ASIC2: variants seen among roughly 807,000 people sequenced by gnomAD.
The protein encoded by ASIC2 is acid sensing ion channel subunit 2, also known as acid-sensing ion channel 2.
A neutral mutation model predicts 57.3 loss-of-function variants in ASIC2; 25 were observed. The observed-to-expected ratio is 0.44, with a 90% CI of 0.32 to 0.61. The LOEUF (loss-of-function observed/expected upper bound fraction) is 0.61. Ranked by LOEUF, ASIC2 falls within the 20% of genes least tolerant of loss-of-function variation. The pLI is 0.06. For synonymous variants in ASIC2, 319 were observed against 307.5 expected (o/e 1.04, Z -0.39); for missense variants, 641 against 738.1 (o/e 0.87, Z 1.52).
chr17:34,007,874 T>G (rs1390483140), intron 1 of ASIC2, among the ~76,000 whole-genome samples: 2 of 152,332 alleles, frequency 1.3e-5, no homozygotes, highest in East Asian at 1.9e-4. Flanking sequence ...CTAGGTAAGA[T>G]GCACTAAATA....
chr17:33,859,961 G>A (rs1357023298), intron 1 of ASIC2, among the ~76,000 whole-genome samples: 1 of 152,164 alleles, frequency 6.6e-6, no homozygotes, highest in East Asian at 1.9e-4. Context: ...TGGGATTACA[G>A]GCATGAGACA....
At chr17:33,452,990 T>G (rs2141991215) in intron 1 of ASIC2, among the ~76,000 whole-genome samples, 1 of 152,276 alleles carries the variant, frequency 6.6e-6, no homozygotes, top group African/African-American at 2.4e-5. Flanking sequence ...TTAGTGTTTT[T>G]CCGCACAGGC....
intron 1 of ASIC2, among the ~76,000 whole-genome samples, chr17:33,610,054 G>GCGCGCACACACA (rs375575593): frequency 0.011 from 1,640 of 144,828 alleles, 24 homozygotes; most frequent in African/African-American, 0.04. Context: ...GGACAGAGGC[G>GCGCGCACACACA]CACACACACA....
intron 1 of ASIC2, among the ~76,000 whole-genome samples, chr17:33,533,196 A>G (rs1915110376): frequency 6.6e-6 from 1 of 152,080 alleles, no homozygotes; most frequent in Non-Finnish European, 1.5e-5. Context: ...AAATACAAAA[A>G]TTAGCCTGGT....
At chr17:33,533,303 T>TAAAGAAAGAAAGAGCGAAAG (rs1460330343) in intron 1 of ASIC2, 1 of 142,504 alleles carries the variant, frequency 7.0e-6, no homozygotes, top group Non-Finnish European at 1.5e-5. Flanking sequence ...CCAAAAAGAG[T>TAAAGAAAGAAAGAGCGAAAG]AAAGAAAGAA....
chr17:33,084,501 C>T (rs184334525), intron 3 of ASIC2, among the ~76,000 whole-genome samples: 17 of 152,334 alleles, frequency 1.1e-4, no homozygotes, highest in East Asian at 3.9e-4. Context: ...CTGGTAGATT[C>T]GGGCTTGAAG....
intron 3 of ASIC2, among the ~76,000 whole-genome samples, chr17:33,076,797 G>A (rs1360095353): frequency 6.6e-6 from 1 of 152,162 alleles, no homozygotes; most frequent in African/African-American, 2.4e-5. Flanking sequence ...AAATGCATAG[G>A]CATCTTCCCT....
intron 1 of ASIC2, among the ~76,000 whole-genome samples, chr17:33,315,259 G>T (rs1906598654): frequency 6.6e-6 from 1 of 152,184 alleles, no homozygotes; most frequent in Non-Finnish European, 1.5e-5. Context: ...ATGTGCAGAA[G>T]AATAATGTTG....
At chr17:33,913,157 C>T (rs183219085) in intron 1 of ASIC2, among the ~76,000 whole-genome samples, 1 of 151,984 alleles carries the variant, frequency 6.6e-6, no homozygotes, top group East Asian at 1.9e-4. Flanking sequence ...TTACAAGGAG[C>T]CGGGACTATT....
At position 33,111,775 on chromosome 17, in the gene ASIC2, T is replaced by A; in HGVS notation, c.859+142A>T. ...CATCCCAGCCCAAGCCAGGGACATC[T>A]TTATGATCTAGCAGCATGTCACAAA... is the stretch of plus-strand genomic sequence containing the variant. On this transcript the variant is annotated intron_variant, in intron 2 of 9. Coordinates refer to ENST00000225823, the MANE Select transcript of ASIC2 (RefSeq NM_183377.2). 5 of 1,238,268 alleles carry A rather than the reference T, an allele frequency of 4.0e-6. No individual in the cohort carries two copies. The South Asian group carries it at 8.6e-5, about 21-fold the overall frequency. 76.7% of individuals were successfully genotyped at this position (1,238,268 alleles called of 1,614,324 possible). A position where few individuals can be genotyped will look rare whatever the true frequency, so the allele number is the denominator to read the frequency against.
chr17:33,041,961 C>G (rs1355826902), intron 3 of ASIC2, among the ~76,000 whole-genome samples: 1 of 152,194 alleles, frequency 6.6e-6, no homozygotes, highest in Non-Finnish European at 1.5e-5. Context: ...CAGCTCCCCT[C>G]TTTTTCCTGC....
intron 1 of ASIC2, among the ~76,000 whole-genome samples, chr17:33,191,926 A>T (rs985119348): frequency 3.9e-5 from 6 of 152,148 alleles, no homozygotes; most frequent in African/African-American, 1.4e-4. Flanking sequence ...CTACCCCATT[A>T]TTCAGTGGAA....
At chr17:33,477,467 T>G (rs1334219662) in intron 1 of ASIC2, among the ~76,000 whole-genome samples, 3 of 152,232 alleles carry the variant, frequency 2.0e-5, no homozygotes, top group Admixed American at 6.5e-5. Context: ...TGGGCCTCAC[T>G]GTCTTCATAG....
chr17:33,666,744 C>G (rs773130639), intron 1 of ASIC2, among the ~76,000 whole-genome samples: 4 of 152,186 alleles, frequency 2.6e-5, no homozygotes, highest in Non-Finnish European at 5.9e-5. Context: ...ACCATCCTAT[C>G]TCTGCACTGG....
chr17:33,945,921 T>C (rs1904360666), intron 1 of ASIC2, among the ~76,000 whole-genome samples: 5 of 152,174 alleles, frequency 3.3e-5, no homozygotes, highest in Admixed American at 3.3e-4. Flanking sequence ...GATTAAAGCA[T>C]AAAGATCCAT....
Position 33,089,030 on chromosome 17 carries a change from A to G in ASIC2, c.860-40T>C, listed in dbSNP as rs369996202. On this transcript the variant is annotated intron_variant, in intron 2 of 9. Coordinates refer to ENST00000225823, the MANE Select transcript of ASIC2 (RefSeq NM_183377.2). ...ATGGACAGAGCCACGGGTCAGTAAC[A>G]ACAGATGCTCATGGAGTCCTGGGAT... 9.9e-6 allele frequency: 16 copies of G among 1,611,352 alleles called. No homozygotes were observed. The African/African-American group carries it at 2.1e-4, about 22-fold the overall frequency.
At position 33,375,244 on chromosome 17, in the gene ASIC2, A is replaced by G. The variant is rs558571579; in HGVS notation, c.556-263177T>C. Among the ~76,000 whole-genome samples the G allele has an allele frequency of 1.3e-3, 191 of 152,268 alleles. 1 individual carries two copies. Among genetic ancestry groups the G allele is most frequent in the African/African-American group, 4.4e-3 (184 of 41,554 alleles). On this transcript the variant is annotated intron_variant, in intron 1 of 9. Coordinates refer to the ASIC2 transcript ENST00000359872. The stretch of plus-strand genomic sequence containing the variant: ...CCCACTGATGAGGTGACATTTGAGC[A>G]GAGACCTGAAAGAAACAAGGAAGTG...
At chr17:33,347,747 A>C (rs1908007728) in intron 1 of ASIC2, among the ~76,000 whole-genome samples, 1 of 152,206 alleles carries the variant, frequency 6.6e-6, no homozygotes, top group South Asian at 2.1e-4. Context: ...AAGGTGATGC[A>C]GTCATTGGCA....
intron 1 of ASIC2, among the ~76,000 whole-genome samples, chr17:34,125,800 A>G (rs1439279640): frequency 2.0e-5 from 3 of 152,202 alleles, no homozygotes; most frequent in Admixed American, 6.5e-5. Context: ...CACAGCCGCT[A>G]AGACATGGTT....
Sources: allele counts gnomAD v4.1 joint callset (sites outside exome capture counted in the v4.1 genomes callset), GRCh38; gene constraint gnomAD v4.1.1; transcripts MANE v1.5; gene names NCBI Gene and HGNC (gene_info 2026-07-23, HGNC 2026-07-21).